DNAJC13: variants seen among roughly 807,000 people sequenced by gnomAD.
DNAJC13 encodes the protein DnaJ heat shock protein family (Hsp40) member C13, also known as dnaJ homolog subfamily C member 13.
In DNAJC13, 75 loss-of-function variants were observed where a neutral mutation model predicts 290.5. The observed-to-expected ratio is 0.26, with a 90% CI of 0.21 to 0.31. The LOEUF is 0.31. Ranked by LOEUF, DNAJC13 falls within the 10% of genes least tolerant of loss-of-function variation. The probability of loss-of-function intolerance (pLI) is 1.00; values close to 1 mark genes in which losing one functional copy is unlikely to be tolerated. For synonymous variants in DNAJC13, 862 were observed against 892.0 expected, an observed-to-expected ratio of 0.97 and a Z score of 0.60; for missense variants, 2,260 against 2,674.5, an observed-to-expected ratio of 0.85 and a Z score of 3.42.
At position 132,510,971 on chromosome 3, in the gene DNAJC13, G is replaced by A. The variant is rs1935759808; in HGVS notation, c.5116-96G>A. The A allele has an allele frequency of 2.2e-6, 3 of 1,352,846 alleles. No homozygotes were observed. In the South Asian group the frequency reaches 4.1e-5, roughly 19 times the overall value. 83.8% of individuals were successfully genotyped at this position (1,352,846 alleles called of 1,614,324 possible). The stretch of plus-strand genomic sequence containing the variant: ...TCATGTGTATGTATAATTTAATCAT[G>A]TTTTATTCACTTTCATAGCTTAAAG... On this transcript the variant is annotated intron_variant, in intron 43 of 55. Transcript: ENST00000260818.
At chr3:132,453,237 T>A in intron 6 of DNAJC13, 61 bp from the exon 7 acceptor site, 2 of 1,483,284 alleles carry the variant, frequency 1.3e-6, no homozygotes, top group South Asian at 2.4e-5. Flanking sequence ...ATGAGTTGAT[T>A]AGCTACAGAC....
intron 55 of DNAJC13, among the ~76,000 whole-genome samples, chr3:132,536,971 GC>G (rs1389803674): frequency 1.3e-5 from 2 of 152,126 alleles, no homozygotes; most frequent in African/African-American, 4.8e-5. Context: ...AGTCATCTCT[GC>G]CTATGTATCT....
intron 13 of DNAJC13, among the ~76,000 whole-genome samples, chr3:132,459,749 A>G (rs1933729430): frequency 6.6e-6 from 1 of 152,212 alleles, no homozygotes; most frequent in East Asian, 1.9e-4. Flanking sequence ...AGCTGAGGAA[A>G]ATGAAACTTA....
intron 55 of DNAJC13, among the ~76,000 whole-genome samples, chr3:132,536,192 G>A (rs1407968208): frequency 2.0e-5 from 3 of 152,190 alleles, no homozygotes; most frequent in Non-Finnish European, 2.9e-5. Flanking sequence ...GTCAGCAGAT[G>A]GCGCTGTGTT....
Position 132,456,498 on chromosome 3 carries a change from C to T in DNAJC13, c.1100-3C>T, listed in dbSNP as rs1933602682. ...CTTTTTGAACCTCTTAATCTCTTTACAGATGGCAACTTTGCAGATGCTGTA... is the reference window on the plus strand; with the variant it reads ...CTTTTTGAACCTCTTAATCTCTTTATAGATGGCAACTTTGCAGATGCTGTA... On this transcript the variant is annotated splice_polypyrimidine_tract_variant and splice_region_variant and intron_variant, in intron 10 of 55. Transcript: ENST00000260818. 2.5e-6 allele frequency: 4 copies of T among 1,613,658 alleles called. No individual in the cohort carries two copies. Among genetic ancestry groups the T allele is most frequent in the South Asian group, 1.1e-5 (1 of 90,996 alleles).
intron 1 of DNAJC13, among the ~76,000 whole-genome samples, chr3:132,422,120 T>C (rs1938976826): frequency 1.3e-5 from 2 of 151,976 alleles, no homozygotes; most frequent in South Asian, 4.2e-4. Context: ...AGCCCTGATC[T>C]CCTGGGCTCA....
chr3:132,438,083 T>A (rs1939427413), intron 2 of DNAJC13, among the ~76,000 whole-genome samples: 1 of 151,390 alleles, frequency 6.6e-6, no homozygotes, highest in African/African-American at 2.4e-5. Context: ...GCTGACAGTT[T>A]GGTAGGCATT....
Position 132,505,380 on chromosome 3 carries a change from T to C in DNAJC13, c.4963T>C (p.Phe1655Leu), listed in dbSNP as rs759340681. The part of the protein sequence containing the change: ...NNSTRAELLE[F>L]LESQQENMIK... ...TTCTACAAGAGCAGAATTACTTGAA[T>C]TTCTTGAATCCCAACAAGAAAACAT... Residue 1655 changes from phenylalanine to leucine, a missense_variant, in exon 42 of 56, where the codon TTT (phenylalanine) becomes CTT (leucine). Phe to Leu is a conservative substitution (Grantham distance 22). Coordinates refer to ENST00000260818, the MANE Select transcript of DNAJC13 (RefSeq NM_015268.4). The C allele has an allele frequency of 1.6e-5, 25 of 1,608,410 alleles. No individual in the cohort carries two copies. The highest frequency in any genetic ancestry group is 2.0e-5 in the Non-Finnish European group (24 of 1,176,464).
rs746354679 is a variant in DNAJC13, at chr3:132,461,218, A to G, written c.1713+13A>G. ...TAAACTTTTTCAGGTGAGAGCTTGT[A>G]TTTTTCTTGTCAGATAACAGTGAAT... On this transcript the variant is annotated intron_variant, in intron 15 of 55. Coordinates refer to ENST00000260818, the MANE Select transcript of DNAJC13 (RefSeq NM_015268.4). 2 of 1,613,568 alleles carry G rather than the reference A, an allele frequency of 1.2e-6. No individual in the cohort carries two copies.
intron 1 of DNAJC13, among the ~76,000 whole-genome samples, chr3:132,430,359 A>T (rs1939208456): frequency 1.3e-5 from 2 of 151,908 alleles, no homozygotes; most frequent in Non-Finnish European, 2.9e-5. Context: ...TTCTTTTGTT[A>T]TTATGAGATT....
rs544342858 is a variant in DNAJC13, at chr3:132,482,381, C to G, written c.2979+51C>G. 4 of 1,436,330 alleles carry G rather than the reference C, an allele frequency of 2.8e-6. No individual in the cohort carries two copies. The South Asian group carries it at 4.7e-5, about 17-fold the overall frequency. 89.0% of individuals were successfully genotyped at this position (1,436,330 alleles called of 1,614,324 possible). On this transcript the variant is annotated intron_variant, in intron 27 of 55. Coordinates refer to ENST00000260818, the MANE Select transcript of DNAJC13 (RefSeq NM_015268.4). ...TGAAGGTCTCAGCATTTCTTATGCC[C>G]TCCTGCTTAGCACTTACAGAGGCGT... is the stretch of plus-strand genomic sequence containing the variant.
chr3:132,434,444 TGA>T, intron 1 of DNAJC13, 92 bp from the exon 2 acceptor site: 1 of 828,182 alleles, frequency 1.2e-6, no homozygotes, highest in Non-Finnish European at 1.9e-6. Context: ...GCTGTGAAAG[TGA>T]GAGAGCGATC....
At chr3:132,453,032 G>C (rs1397542456) in intron 6 of DNAJC13, among the ~76,000 whole-genome samples, 1 of 152,196 alleles carries the variant, frequency 6.6e-6, no homozygotes. Context: ...CCAGCATGCT[G>C]TTTTGCACAA....
chr3:132,506,981 G>C (rs1935614275), intron 42 of DNAJC13, among the ~76,000 whole-genome samples: 1 of 152,088 alleles, frequency 6.6e-6, no homozygotes, highest in Non-Finnish European at 1.5e-5. Flanking sequence ...TATAAACTCT[G>C]GCTCTAAGAC....
At chr3:132,514,216 G>C (rs1935854904) in intron 45 of DNAJC13, among the ~76,000 whole-genome samples, 1 of 152,116 alleles carries the variant, frequency 6.6e-6, no homozygotes. Flanking sequence ...CCAATCTATT[G>C]TGCAGGGTAC....
At chr3:132,465,563 C>T (rs893660102) in intron 17 of DNAJC13, among the ~76,000 whole-genome samples, 4 of 152,050 alleles carry the variant, frequency 2.6e-5, no homozygotes, top group Non-Finnish European at 5.9e-5. Context: ...TCTGATCTTG[C>T]CAAAACGGTT....
intron 48 of DNAJC13, among the ~76,000 whole-genome samples, 175 bp downstream of exon 48, chr3:132,516,991 A>G (rs924866551): frequency 2.0e-5 from 3 of 152,218 alleles, no homozygotes; most frequent in Non-Finnish European, 4.4e-5. Flanking sequence ...GTTTGAGAAA[A>G]CTAGAGTCAG....
At chr3:132,505,605 T>G (rs1163394448) in intron 42 of DNAJC13, among the ~76,000 whole-genome samples, 190 bp downstream of exon 42, 1 of 152,228 alleles carries the variant, frequency 6.6e-6, no homozygotes, top group Admixed American at 6.5e-5. Context: ...TTAGGAATTT[T>G]TATTGTTGTT....
At chr3:132,473,742 T>C (rs937855162) in intron 21 of DNAJC13, among the ~76,000 whole-genome samples, 1 of 152,166 alleles carries the variant, frequency 6.6e-6, no homozygotes, top group African/African-American at 2.4e-5. Context: ...TTTGCAAAGC[T>C]TCTTTAAGAT....
Sources: allele counts gnomAD v4.1 joint callset (sites outside exome capture counted in the v4.1 genomes callset), GRCh38; gene constraint gnomAD v4.1.1; transcripts MANE v1.5; gene names NCBI Gene and HGNC (gene_info 2026-07-23, HGNC 2026-07-21).